Variants in LPP observed in about 807,000 individuals in gnomAD.
LPP encodes the protein lipoma-preferred partner.
Under a neutral mutation model 60.4 loss-of-function variants are expected in LPP, and 38 were observed. The observed-to-expected ratio is 0.63, with a 90% CI of 0.49 to 0.83. The LOEUF is 0.83. LPP is among the 40% of genes least tolerant of loss of function. LPP has a pLI of 0.00. For synonymous variants in LPP, 328 were observed against 290.8 expected (o/e 1.13, Z -1.30); for missense variants, 902 against 783.6 (o/e 1.15, Z -1.80).
At chr3:188,550,698 C>G (rs1365933359) in intron 6 of LPP, among the ~76,000 whole-genome samples, 1 of 151,614 alleles carries the variant, frequency 6.6e-6, no homozygotes, top group African/African-American at 2.4e-5. Flanking sequence ...TGGTTAGCTG[C>G]ACTTACTGGC....
intron 8 of LPP, among the ~76,000 whole-genome samples, chr3:188,756,487 T>TAAAAGATGGGCCTTAAG: frequency 6.6e-6 from 1 of 152,308 alleles, no homozygotes; most frequent in East Asian, 1.9e-4. Context: ...GATACTTGTC[T>TAAAAGATGGGCCTTAAG]AAAAGATGGG....
intron 7 of LPP, among the ~76,000 whole-genome samples, chr3:188,676,953 G>T (rs1858260847): frequency 6.6e-6 from 1 of 152,150 alleles, no homozygotes; most frequent in African/African-American, 2.4e-5. Flanking sequence ...CTGCCATGTT[G>T]TCAGCTGCCA....
chr3:188,473,771 C>T (rs1331173951), intron 4 of LPP, among the ~76,000 whole-genome samples: 2 of 152,132 alleles, frequency 1.3e-5, no homozygotes, highest in Admixed American at 1.3e-4. Flanking sequence ...TCTTTATACT[C>T]TTAAGGGATA....
chr3:188,812,311 T>C (rs1751225759), intron 9 of LPP, among the ~76,000 whole-genome samples: 1 of 152,158 alleles, frequency 6.6e-6, no homozygotes, highest in Admixed American at 6.5e-5. Flanking sequence ...GCAGTGCCAG[T>C]GGGCAAACTG....
intron 2 of LPP, among the ~76,000 whole-genome samples, chr3:188,308,824 T>G (rs1259891180): frequency 6.6e-6 from 1 of 152,184 alleles, no homozygotes; most frequent in Non-Finnish European, 1.5e-5. Flanking sequence ...TTGTTCTTTC[T>G]GAGCCTGAGT....
At chr3:188,562,363 G>A (rs552954256) in intron 6 of LPP, 1 of 152,090 alleles carries the variant, frequency 6.6e-6, no homozygotes, top group Non-Finnish European at 1.5e-5. Flanking sequence ...CTTCCACCAA[G>A]CACAGTTTCA....
Position 188,645,366 on chromosome 3 carries a change from A to G in LPP, c.1113+35522A>G, listed in dbSNP as rs150781189. Among the ~76,000 whole-genome samples the G allele has an allele frequency of 8.3e-3, 1,257 of 152,086 alleles. 45 individuals are homozygous for G. The highest frequency in any genetic ancestry group is 0.047 in the Admixed American group (721 of 15,286). On this transcript the variant is annotated intron_variant, in intron 7 of 11. Coordinates refer to ENST00000617246, the MANE Select transcript of LPP (RefSeq NM_001375462.1). ...GATACGTTGAAGACAATACTCACAA[A>G]TCTCTTCAGTCGTCTCTCCATTTGG...
chr3:188,566,269 ATCATATCTTGACTT>A (rs1832129627), intron 6 of LPP, among the ~76,000 whole-genome samples: 1 of 151,966 alleles, frequency 6.6e-6, no homozygotes, highest in Non-Finnish European at 1.5e-5. Context: ...GATCTGGAAT[ATCATATCTTGACTT>A]TCATATGTGG....
chr3:188,481,940 C>G (rs1804888135), intron 4 of LPP, among the ~76,000 whole-genome samples: 1 of 151,998 alleles, frequency 6.6e-6, no homozygotes, highest in Non-Finnish European at 1.5e-5. Flanking sequence ...GCTCTGTGTC[C>G]CCACCCAAAT....
At chr3:188,300,937 C>G (rs1448460275) in intron 2 of LPP, among the ~76,000 whole-genome samples, 2 of 152,112 alleles carry the variant, frequency 1.3e-5, no homozygotes, top group Non-Finnish European at 2.9e-5. Context: ...GGAGATTTTT[C>G]TACTATTTCA....
intron 7 of LPP, among the ~76,000 whole-genome samples, chr3:188,696,736 C>T (rs1007264483): frequency 6.6e-6 from 1 of 152,110 alleles, no homozygotes; most frequent in Non-Finnish European, 1.5e-5. Flanking sequence ...GACCCTAGAA[C>T]CTATATATCT....
intron 9 of LPP, among the ~76,000 whole-genome samples, chr3:188,840,647 T>G (rs1577908128): frequency 1.3e-5 from 2 of 152,268 alleles, no homozygotes; most frequent in East Asian, 3.9e-4. Flanking sequence ...CACAGGTATG[T>G]GCCACCTCAT....
chr3:188,394,551 A>AGTGTGT (rs1209092729), intron 3 of LPP, among the ~76,000 whole-genome samples: 11,825 of 146,790 alleles, frequency 0.081, 580 homozygotes, highest in African/African-American at 0.15. Context: ...AAATATCTAA[A>AGTGTGT]GTGTGTGTGT....
At chr3:188,635,235 C>A (rs569415075) in intron 7 of LPP, among the ~76,000 whole-genome samples, 24 of 152,326 alleles carry the variant, frequency 1.6e-4, no homozygotes, top group Admixed American at 8.5e-4. Flanking sequence ...CTCTAACTCA[C>A]ATGCTGCATT....
intron 9 of LPP, among the ~76,000 whole-genome samples, chr3:188,785,533 A>C (rs1741475163): frequency 6.4e-5 from 1 of 15,538 alleles, no homozygotes; most frequent in Non-Finnish European, 9.8e-5. Flanking sequence ...TATATATTCC[A>C]TCATATATAT....
At chr3:188,405,239 G>A (rs748123842) in intron 3 of LPP, among the ~76,000 whole-genome samples, 3 of 152,166 alleles carry the variant, frequency 2.0e-5, no homozygotes, top group Non-Finnish European at 4.4e-5. Flanking sequence ...ATACCCCTTG[G>A]TGGGGACCAG....
At chr3:188,177,688 T>C (rs767782766) in intron 1 of LPP, among the ~76,000 whole-genome samples, 1 of 152,182 alleles carries the variant, frequency 6.6e-6, no homozygotes, top group African/African-American at 2.4e-5. Context: ...TTACCTATTC[T>C]GACTGGAGTA....
Position 188,515,878 on chromosome 3 carries a change from CAT to C in LPP, c.307-8785_307-8784del, listed in dbSNP as rs143377944. 2.8e-3 allele frequency among the ~76,000 whole-genome samples: 424 copies of C among 152,260 alleles called. 2 individuals are homozygous for C. The highest frequency in any genetic ancestry group is 4.6e-3 in the Non-Finnish European group (312 of 68,026). On this transcript the variant is annotated intron_variant, in intron 5 of 11. Transcript: ENST00000617246. ...TAGTTTTACAAAGAGTATCAAATAA[CAT>C]AGTGAATTTGATATCTCTAGGCAAA... is the stretch of plus-strand genomic sequence containing the variant.
intron 4 of LPP, among the ~76,000 whole-genome samples, chr3:188,450,993 G>A (rs1478441527): frequency 6.6e-6 from 1 of 152,028 alleles, no homozygotes; most frequent in African/African-American, 2.4e-5. Flanking sequence ...TGTGGGGAGG[G>A]TGCTTGATCA....
Sources: gnomAD v4.1 joint callset for allele counts (sites outside exome capture counted in the v4.1 genomes callset) on GRCh38, gnomAD v4.1.1 for gene constraint, MANE v1.5 for transcripts, NCBI Gene and HGNC (gene_info 2026-07-23, HGNC 2026-07-21) for gene names.